Variants in TMCC3 observed in about 807,000 individuals in gnomAD.
The protein encoded by TMCC3 is transmembrane and coiled-coil domain family 3, also known as transmembrane and coiled-coil domain protein 3.
A neutral mutation model predicts 40.2 loss-of-function variants in TMCC3; 28 were observed. The ratio of observed to expected loss-of-function variants is 0.70; its 90% CI spans 0.52 to 0.95. The LOEUF is 0.95. Among genes scored for constraint, TMCC3 ranks in the 40% least tolerant of loss-of-function variants. TMCC3 has a pLI of 0.00. For synonymous variants in TMCC3, 255 were observed against 248.5 expected (o/e 1.03, Z -0.25); for missense variants, 554 against 615.2 (o/e 0.90, Z 1.05).
chr12:94,620,270 A>C (rs1411433898), intron 1 of TMCC3, among the ~76,000 whole-genome samples: 3 of 151,154 alleles, frequency 2.0e-5, no homozygotes, highest in Admixed American at 6.6e-5. Flanking sequence ...AGTACTGTGG[A>C]AATTTTTTTT....
intron 3 of TMCC3, among the ~76,000 whole-genome samples, chr12:94,574,173 A>G (rs955831756): frequency 7.9e-5 from 12 of 152,182 alleles, no homozygotes; most frequent in African/African-American, 2.9e-4. Context: ...ACTTGAGATC[A>G]GGAGTTCAAG....
rs539204151 is a variant in TMCC3 at position 94,623,439 on chromosome 12, G to A, written c.78+26914C>T. ...TTAAGCAGCTTGTTCAAGCTACCAG[G>A]CTAGAATGCTGCCTGGCTCCCAAAG... On this transcript the variant is annotated intron_variant, in intron 1 of 3. Transcript: ENST00000261226. Among the ~76,000 whole-genome samples, 91 of 152,182 alleles carry A rather than the reference G, an allele frequency of 6.0e-4. 1 individual carries two copies. Among genetic ancestry groups the A allele is most frequent in the Non-Finnish European group, 9.8e-4 (67 of 68,032 alleles).
chr12:94,619,237 C>T (rs1314608937), intron 1 of TMCC3, among the ~76,000 whole-genome samples: 1 of 152,202 alleles, frequency 6.6e-6, no homozygotes, highest in African/African-American at 2.4e-5. Context: ...GCTTCTACTA[C>T]AGGAGCAGGT....
At chr12:94,609,582 C>A (rs6538520) in intron 1 of TMCC3, among the ~76,000 whole-genome samples, 52,000 of 152,010 alleles carry the variant, frequency 0.34, 10,658 homozygotes, top group African/African-American at 0.56. Context: ...AACTATCTTA[C>A]CTGAGTGATT....
chr12:94,646,893 G>A (rs138092853), intron 1 of TMCC3, among the ~76,000 whole-genome samples: 3,289 of 152,116 alleles, frequency 0.022, 61 homozygotes, highest in Admixed American at 0.062. Flanking sequence ...TAAGAAGCTC[G>A]AAGAGCCAGA....
intron 1 of TMCC3, among the ~76,000 whole-genome samples, chr12:94,588,847 A>G (rs1485497531): frequency 6.9e-6 from 1 of 144,568 alleles, no homozygotes; most frequent in Admixed American, 6.9e-5. Flanking sequence ...TTTTTTTGAG[A>G]CAGTCTCACT....
In TMCC3 at chr12:94,614,814, C is replaced by T. The variant is rs376082403; in HGVS notation, c.79-32276G>A. On this transcript the variant is annotated intron_variant, in intron 1 of 3. Transcript: ENST00000261226. Reference sequence around the variant, plus strand: ...AGAGTCTCACTCTGTCACCCAGGCTCGTGTGCAGTGGCGCGATCTCAGCTC... The same window carrying T: ...AGAGTCTCACTCTGTCACCCAGGCTTGTGTGCAGTGGCGCGATCTCAGCTC... 2.0e-5 allele frequency among the ~76,000 whole-genome samples: 3 copies of T among 148,512 alleles called. No homozygotes were observed. The Admixed American group carries it at 2.0e-4, about 10-fold the overall frequency.
chr12:94,569,491 C>T lies in TMCC3; in HGVS notation c.*1944G>A, dbSNP rs943950384. On this transcript the variant is annotated 3_prime_UTR_variant, in exon 4 of 4. Coordinates refer to ENST00000261226, the MANE Select transcript of TMCC3 (RefSeq NM_020698.4). ...AGACAGCCATGAGATCAGGGTGGGA[C>T]TGGTAAGGGAGCTCTTCTCTGAATC... is the stretch of plus-strand genomic sequence containing the variant. The T allele has an allele frequency of 6.6e-6, 1 of 152,144 alleles. No homozygotes were observed. Among genetic ancestry groups the T allele is most frequent in the Non-Finnish European group, 1.5e-5 (1 of 68,046 alleles). 9.4% of individuals were successfully genotyped at this position (152,144 alleles called of 1,614,324 possible).
chr12:94,626,807 C>T (rs2068906346), intron 1 of TMCC3, among the ~76,000 whole-genome samples: 1 of 152,136 alleles, frequency 6.6e-6, no homozygotes, highest in Non-Finnish European at 1.5e-5. Context: ...CCTTCCACAT[C>T]CTTATAGGGA....
At chr12:94,629,096 C>T (rs887711644) in intron 1 of TMCC3, among the ~76,000 whole-genome samples, 4 of 152,150 alleles carry the variant, frequency 2.6e-5, no homozygotes, top group Non-Finnish European at 5.9e-5. Context: ...CTAGCTATGA[C>T]GCTCATGATT....
chr12:94,608,794 G>A (rs562495563), intron 1 of TMCC3, among the ~76,000 whole-genome samples: 7 of 152,268 alleles, frequency 4.6e-5, no homozygotes, highest in African/African-American at 1.7e-4. Flanking sequence ...ATTCAGGAGT[G>A]CCACATGTAT....
intron 1 of TMCC3, among the ~76,000 whole-genome samples, chr12:94,635,145 G>T (rs141980789): frequency 2.0e-5 from 3 of 152,140 alleles, no homozygotes; most frequent in Non-Finnish European, 4.4e-5. Context: ...GAAACAGATC[G>T]TTACCTACAA....
chr12:94,626,416 G>C (rs2138872588), intron 1 of TMCC3, among the ~76,000 whole-genome samples: 1 of 152,244 alleles, frequency 6.6e-6, no homozygotes, highest in South Asian at 2.1e-4. Flanking sequence ...AGAAACAAGA[G>C]TACATGTCTT....
intron 1 of TMCC3, among the ~76,000 whole-genome samples, chr12:94,614,518 T>C (rs1472668555): frequency 2.0e-5 from 3 of 152,204 alleles, no homozygotes. Flanking sequence ...CAGAATGGCC[T>C]GTCAACCAGG....
At chr12:94,608,520 T>G (rs2068796479) in intron 1 of TMCC3, among the ~76,000 whole-genome samples, 1 of 152,094 alleles carries the variant, frequency 6.6e-6, no homozygotes, top group African/African-American at 2.4e-5. Context: ...TCTGTTACAC[T>G]GCACACCTGG....
intron 1 of TMCC3, among the ~76,000 whole-genome samples, chr12:94,630,445 C>T (rs1401451588): frequency 3.3e-5 from 5 of 152,084 alleles, no homozygotes. Context: ...CGCAGAGCTA[C>T]CTGGGTTCAG....
chr12:94,624,165 C>A (rs904869199), intron 1 of TMCC3, among the ~76,000 whole-genome samples: 21 of 152,160 alleles, frequency 1.4e-4, no homozygotes, highest in Admixed American at 3.9e-4. Flanking sequence ...AAATCAGAAC[C>A]CTCATACACT....
In TMCC3 at chr12:94,570,182, G is replaced by A. The variant is rs572865044; in HGVS notation, c.*1253C>T. ...TGCTAGTCTTTCACTTCTCAAAGAC[G>A]ATGCTCTCAATCTTCATCCAGGTGA... On this transcript the variant is annotated 3_prime_UTR_variant, in exon 4 of 4. Transcript: ENST00000261226. 4 of 152,294 alleles carry A rather than the reference G, an allele frequency of 2.6e-5. No individual in the cohort carries two copies. The highest frequency in any genetic ancestry group is 3.9e-4 in the East Asian group (2 of 5,184). The allele number at this position is 152,294 out of a possible 1,614,324, so 9.4% of individuals were successfully genotyped here. A position where few individuals can be genotyped will look rare whatever the true frequency, so the allele number is the denominator to read the frequency against.
intron 1 of TMCC3, among the ~76,000 whole-genome samples, chr12:94,646,751 TTTA>T (rs1325188955): frequency 9.5e-6 from 1 of 105,776 alleles, no homozygotes; most frequent in East Asian, 2.4e-4. Context: ...TTTTTTTTTT[TTTA>T]AAAAACAAAT....
Sources: allele counts gnomAD v4.1 joint callset (sites outside exome capture counted in the v4.1 genomes callset), GRCh38; gene constraint gnomAD v4.1.1; transcripts MANE v1.5; gene names NCBI Gene and HGNC (gene_info 2026-07-23, HGNC 2026-07-21).